Variants in HTT observed in about 807,000 individuals in gnomAD.
HTT encodes huntingtin.
A neutral mutation model predicts 362.3 loss-of-function variants in HTT; 104 were observed. The observed-to-expected ratio is 0.29, with a 90% CI of 0.24 to 0.34. The LOEUF is 0.34. HTT is among the 10% of genes least tolerant of loss of function. HTT has a pLI of 1.00. For missense variants in HTT, 3,301 were observed against 3,928.6 expected, an observed-to-expected ratio of 0.84 and a Z score of 4.27; for synonymous variants, 1,577 against 1,548.7, an observed-to-expected ratio of 1.02 and a Z score of -0.43.
chr4:3,210,904 C>CTTTTTTTTTTTTTTTTTT (rs780304223), intron 47 of HTT, among the ~76,000 whole-genome samples: 2 of 122,732 alleles, frequency 1.6e-5, no homozygotes, highest in African/African-American at 3.2e-5. Flanking sequence ...AATTGTTTAT[C>CTTTTTTTTTTTTTTTTTT]TTTTTTTTTT....
At chr4:3,149,493 A>T (rs1251007340) in intron 26 of HTT, among the ~76,000 whole-genome samples, 2 of 151,970 alleles carry the variant, frequency 1.3e-5, no homozygotes, top group African/African-American at 4.8e-5. Flanking sequence ...GTTTTAGTAG[A>T]GACGGGGTTT....
intron 28 of HTT, among the ~76,000 whole-genome samples, chr4:3,159,742 T>A (rs1041566457): frequency 2.6e-5 from 4 of 152,260 alleles, no homozygotes; most frequent in African/African-American, 4.8e-5. Context: ...TTGTTATGCA[T>A]GTCTTTGGTC....
At chr4:3,202,260 G>A (rs563038784) in intron 41 of HTT, among the ~76,000 whole-genome samples, 69 of 152,270 alleles carry the variant, frequency 4.5e-4, no homozygotes, top group African/African-American at 1.5e-3. Context: ...AGTACCGGGC[G>A]GTGTATGGCC....
Position 3,209,932 on chromosome 4 carries a change from G to A in HTT, c.6397G>A (p.Ala2133Thr), listed in dbSNP as rs755514662. The A allele has an allele frequency of 6.2e-6, 10 of 1,613,914 alleles. No individual in the cohort carries two copies. The highest frequency in any genetic ancestry group is 1.6e-4 in the Middle Eastern group (1 of 6,084). The change falls in exon 47 of 67, where the codon GCC becomes ACC. Residue 2133 changes from alanine to threonine, a missense_variant. Ala to Thr is a moderately conservative substitution (Grantham distance 58, BLOSUM62 0). Around this residue, in one of 4 missense-constraint regions of HTT, gnomAD observed 2,316 missense variants for 2,658.5 expected, o/e 0.87. Transcript: ENST00000355072. ...VNRIPAEDMN[A>T]FMMNSEFNLS... ...TCGGATTCCTGCTGAAGATATGAATGCCTTCATGATGAACTCGGTACGGGG... is the reference window on the plus strand; with the variant it reads ...TCGGATTCCTGCTGAAGATATGAATACCTTCATGATGAACTCGGTACGGGG...
At chr4:3,195,885 G>C (rs1324301515) in intron 40 of HTT, among the ~76,000 whole-genome samples, 2 of 152,174 alleles carry the variant, frequency 1.3e-5, no homozygotes, top group African/African-American at 2.4e-5. Flanking sequence ...TTGTGGCCTT[G>C]GATAAGTGAC....
At chr4:3,133,036 C>A in intron 18 of HTT, 125 bp downstream of exon 18, 1 of 723,918 alleles carries the variant, frequency 1.4e-6, no homozygotes, top group South Asian at 1.6e-5. Flanking sequence ...GTAATACCCA[C>A]CATGTATCCA....
At chr4:3,215,347 T>G in intron 51 of HTT, 136 bp downstream of exon 51, 1 of 637,400 alleles carries the variant, frequency 1.6e-6, no homozygotes, top group East Asian at 2.7e-5. Flanking sequence ...TGCTCCTCCC[T>G]AGCTGTCAGG....
Position 3,074,696 on chromosome 4 carries a change from C to T in HTT, c.-130C>T. 1 of 1,004,946 alleles carries T rather than the reference C, an allele frequency of 1.0e-6. No individual in the cohort carries two copies. 62.3% of individuals were successfully genotyped at this position (1,004,946 alleles called of 1,614,324 possible). On this transcript the variant is annotated 5_prime_UTR_variant, in exon 1 of 67. Transcript: ENST00000355072. The stretch of plus-strand genomic sequence containing the variant: ...CGCCGTGGGGGCTGCCGGGACGGGT[C>T]CAAGATGGACGGCCGCTCAGGTTCT...
At chr4:3,200,194 C>T (rs1012328872) in intron 41 of HTT, among the ~76,000 whole-genome samples, 24 of 152,268 alleles carry the variant, frequency 1.6e-4, no homozygotes, top group African/African-American at 5.5e-4. Flanking sequence ...TCTTTGACAC[C>T]ATTGCATCTT....
chr4:3,185,688 A>G (rs868088991), intron 37 of HTT, among the ~76,000 whole-genome samples: 2 of 152,190 alleles, frequency 1.3e-5, no homozygotes, highest in African/African-American at 4.8e-5. Context: ...CAAGGCAGGC[A>G]GATTGCTTGA....
chr4:3,108,915 G>T (rs1053669242), intron 6 of HTT, among the ~76,000 whole-genome samples: 3 of 152,002 alleles, frequency 2.0e-5, no homozygotes, highest in Admixed American at 2.0e-4. Flanking sequence ...GGACATGATG[G>T]CATGTGCCTG....
At position 3,115,333 on chromosome 4, in the gene HTT, G is replaced by A; in HGVS notation, c.777G>A (p.Leu259=). 6.2e-7 allele frequency: 1 copy of A among 1,614,176 alleles called. No homozygotes were observed. ...KVLLKAFIAN[L]KSSSPTIRRT... is the part of the protein sequence containing the mutation. ...TGTTAAAGGCCTTCATAGCGAACCT[G>A]AAGTCAAGCTCCCCCACCATTCGGC... The change falls in exon 7 of 67, where the codon CTG becomes CTA. Residue 259 remains leucine, a synonymous_variant. Coordinates refer to ENST00000355072, the MANE Select transcript of HTT (RefSeq NM_001388492.1).
At chr4:3,110,542 C>G (rs541850888) in intron 6 of HTT, among the ~76,000 whole-genome samples, 1 of 152,300 alleles carries the variant, frequency 6.6e-6, no homozygotes, top group African/African-American at 2.4e-5. Flanking sequence ...TTTCTATCGT[C>G]TAGTAGCTTC....
intron 34 of HTT, 83 bp from the exon 35 acceptor site, chr4:3,178,215 A>G: frequency 9.3e-7 from 1 of 1,077,044 alleles, no homozygotes. Flanking sequence ...GTCAAGGTTG[A>G]ATCATGAATT....
chr4:3,143,436 C>CAAA (rs1056047426), intron 23 of HTT, among the ~76,000 whole-genome samples: 11 of 70,178 alleles, frequency 1.6e-4, no homozygotes, highest in South Asian at 1.2e-3. Context: ...GACTCTGTCT[C>CAAA]AAAAAAAAAA....
At chr4:3,177,475 G>C (rs1718292585) in intron 34 of HTT, 88 bp downstream of exon 34, 1 of 854,822 alleles carries the variant, frequency 1.2e-6, no homozygotes, top group African/African-American at 1.7e-5. Context: ...TTAAACTACT[G>C]TTAGGCATTT....
chr4:3,209,153 A>G (rs1053224260), intron 46 of HTT, among the ~76,000 whole-genome samples: 1 of 152,168 alleles, frequency 6.6e-6, no homozygotes, highest in Admixed American at 6.5e-5. Flanking sequence ...GAATCAAGGA[A>G]TAGTCGGCCG....
Position 3,131,323 on chromosome 4 carries a change from A to G in HTT, c.2024A>G (p.Asp675Gly), listed in dbSNP as rs1715804626. The G allele has an allele frequency of 3.1e-6, 5 of 1,613,924 alleles. No homozygotes were observed. In the South Asian group the frequency reaches 4.4e-5, roughly 14 times the overall value. The change falls in exon 15 of 67, where the codon GAT becomes GGT. Residue 675 changes from aspartate to glycine, a missense_variant. Asp to Gly is a moderately conservative substitution (Grantham distance 94). Around this residue, in one of 4 missense-constraint regions of HTT, gnomAD observed 2,316 missense variants for 2,658.5 expected, o/e 0.87. Coordinates refer to ENST00000355072, the MANE Select transcript of HTT (RefSeq NM_001388492.1). ...AAAGGTGACATTGGACAGTCCACTG[A>G]TGATGACTCTGCACCTCTTGTCCAT... is the stretch of plus-strand genomic sequence containing the variant. ...RIKGDIGQST[D>G]DDSAPLVHCV... is the part of the protein sequence containing the mutation.
chr4:3,168,723 A>G (rs1045405121), intron 29 of HTT, among the ~76,000 whole-genome samples: 4 of 152,142 alleles, frequency 2.6e-5, no homozygotes, highest in African/African-American at 9.7e-5. Context: ...AAAAAGAAAA[A>G]CAAAAATAGT....
Sources: gnomAD v4.1 joint callset for allele counts (sites outside exome capture counted in the v4.1 genomes callset) on GRCh38, gnomAD v4.1.1 for gene constraint, gnomAD v4.1.1 regional missense constraint, MANE v1.5 for transcripts, NCBI Gene and HGNC (gene_info 2026-07-23, HGNC 2026-07-21) for gene names.